The following CENPK variants were observed in gnomAD, a reference collection of about 807,000 sequenced individuals.
The protein encoded by CENPK is centromere protein K, also known as SoxLZ/Sox6-binding protein Solt.
In CENPK, 46 loss-of-function variants were observed where a neutral mutation model predicts 40.9. That is an observed-to-expected ratio of 1.13 (90% CI 0.89 to 1.44). The LOEUF (loss-of-function observed/expected upper bound fraction) is 1.44, where lower values mean the gene tolerates loss of function less well. CENPK is among the 40% of genes most tolerant of loss of function. CENPK has a pLI of 0.00. For missense variants in CENPK, 288 were observed against 303.5 expected, an observed-to-expected ratio of 0.95 and a Z score of 0.38; for synonymous variants, 107 against 104.4, an observed-to-expected ratio of 1.02 and a Z score of -0.15.
At chr5:65,558,450 T>C (rs115578901) in intron 2 of CENPK, among the ~76,000 whole-genome samples, 5,014 of 151,064 alleles carry the variant, frequency 0.033, 278 homozygotes, top group African/African-American at 0.12. Context: ...GGTAGGTAAG[T>C]AGACGTGTTG....
chr5:65,541,345 C>G, intron 6 of CENPK: 1 of 455,486 alleles, frequency 2.2e-6, no homozygotes, highest in Non-Finnish European at 4.4e-6. Flanking sequence ...CCTGTGGGAT[C>G]TGATGTTACC....
the CENPK span, among the ~76,000 whole-genome samples, chr5:65,510,702 G>A: frequency 6.6e-6 from 1 of 151,858 alleles, no homozygotes; most frequent in Non-Finnish European, 1.5e-5. Context: ...CTTGAACCCA[G>A]GAGATAGAGG....
intron 1 of CENPK, chr5:65,562,733 C>T (rs540075556): frequency 6.5e-6 from 1 of 152,738 alleles, no homozygotes; most frequent in East Asian, 1.9e-4. Context: ...CCCGTTCTGC[C>T]CTAGGTCTTT....
At chr5:65,529,046 A>C in intron 7 of CENPK, 29 bp from the exon 8 acceptor site, 1 of 1,555,706 alleles carries the variant, frequency 6.4e-7, no homozygotes, top group Non-Finnish European at 8.8e-7. Context: ...AATACAAGCA[A>C]TATCTAAATA....
At chr5:65,524,421 C>T (rs773393357) in intron 9 of CENPK, among the ~76,000 whole-genome samples, 4 of 149,278 alleles carry the variant, frequency 2.7e-5, no homozygotes, top group African/African-American at 9.9e-5. Flanking sequence ...GAGGCTGAGT[C>T]GGGCGGATCA....
chr5:65,523,082 T>C (rs943566745), intron 9 of CENPK, among the ~76,000 whole-genome samples: 6 of 152,264 alleles, frequency 3.9e-5, no homozygotes, highest in Non-Finnish European at 5.9e-5. Context: ...TCTGTACATA[T>C]GTAAATACAT....
chr5:65,514,617 T>C (rs912542018), downstream of CENPK, among the ~76,000 whole-genome samples: 38 of 152,186 alleles, frequency 2.5e-4, no homozygotes, highest in African/African-American at 8.9e-4. Context: ...GAACAGACTG[T>C]ACAAAATTGG....
intron 9 of CENPK, among the ~76,000 whole-genome samples, chr5:65,528,039 A>T (rs897355272): frequency 1.3e-5 from 2 of 152,166 alleles, no homozygotes; most frequent in African/African-American, 4.8e-5. Flanking sequence ...CAGGAGTTCA[A>T]GACCAGCCTG....
At chr5:65,519,443 C>G (rs1306137265) in intron 10 of CENPK, among the ~76,000 whole-genome samples, 13 of 152,162 alleles carry the variant, frequency 8.5e-5, no homozygotes, top group Admixed American at 8.5e-4. Context: ...TTTGCCTCCT[C>G]AGCTATCTTC....
chr5:65,541,074 C>A (rs1352273643), intron 6 of CENPK, among the ~76,000 whole-genome samples: 1 of 152,142 alleles, frequency 6.6e-6, no homozygotes, highest in Non-Finnish European at 1.5e-5. Context: ...CCATCCTCTT[C>A]AGATTCCCAA....
At chr5:65,552,472 T>G (rs756512541) in intron 4 of CENPK, 21 bp downstream of exon 4, 6 of 1,467,346 alleles carry the variant, frequency 4.1e-6, no homozygotes, top group Non-Finnish European at 5.5e-6. Flanking sequence ...TTGTATTTTT[T>G]AGGAAGAAAA....
chr5:65,555,022 T>G (rs1250319461), intron 2 of CENPK, 76 bp from the exon 3 acceptor site: 1 of 719,368 alleles, frequency 1.4e-6, no homozygotes, highest in Non-Finnish European at 2.5e-6. Flanking sequence ...ATCTAGGGGG[T>G]AAGAATATAG....
At chr5:65,520,973 A>T (rs577774262) in intron 10 of CENPK, among the ~76,000 whole-genome samples, 19 of 152,308 alleles carry the variant, frequency 1.2e-4, no homozygotes, top group Non-Finnish European at 2.2e-4. Context: ...CAAATCAGAG[A>T]AAGTTGGAAA....
At chr5:65,509,159 G>A in the CENPK span, among the ~76,000 whole-genome samples, 6 of 152,088 alleles carry the variant, frequency 3.9e-5, no homozygotes, top group East Asian at 5.8e-4. Flanking sequence ...TTGTCTTGGC[G>A]TATCTCCTGT....
chr5:65,532,107 C>T (rs1453937449), intron 6 of CENPK, among the ~76,000 whole-genome samples: 2 of 152,056 alleles, frequency 1.3e-5, no homozygotes. Context: ...GAAATGTTAT[C>T]GACAATCTTG....
chr5:65,535,172 C>T (rs1746635767), intron 6 of CENPK, among the ~76,000 whole-genome samples: 1 of 150,388 alleles, frequency 6.6e-6, no homozygotes, highest in Admixed American at 6.6e-5. Flanking sequence ...GTCAAGGTTA[C>T]AACGAACTGA....
chr5:65,561,353 T>C (rs987372142), intron 2 of CENPK, 110 bp downstream of exon 2: 2 of 260,168 alleles, frequency 7.7e-6, no homozygotes, highest in African/African-American at 2.2e-5. Context: ...TCTGCACATG[T>C]GGTGGGGGCG....
chr5:65,538,961 T>C (rs1484868451), intron 6 of CENPK, among the ~76,000 whole-genome samples: 1 of 152,224 alleles, frequency 6.6e-6, no homozygotes, highest in Non-Finnish European at 1.5e-5. Context: ...ATCCCAAGAC[T>C]TTCTTCAATT....
At chr5:65,562,697 A>G (rs1752221826) in intron 1 of CENPK, 1 of 152,254 alleles carries the variant, frequency 6.6e-6, no homozygotes, top group Admixed American at 6.5e-5. Context: ...ATGAAATCCT[A>G]TACCAGAGAG....
Sources: allele counts gnomAD v4.1 joint callset (sites outside exome capture counted in the v4.1 genomes callset), GRCh38; gene constraint gnomAD v4.1.1; transcripts MANE v1.5; gene names NCBI Gene and HGNC (gene_info 2026-07-23, HGNC 2026-07-21).